ABCB7: variants seen among roughly 807,000 people sequenced by gnomAD.
The protein encoded by ABCB7 is iron-sulfur clusters transporter ABCB7, mitochondrial.
ABCB7 carries 7 observed loss-of-function variants against 54.4 expected under a neutral mutation model. The observed-to-expected ratio is 0.13, with a 90% CI of 0.07 to 0.24. The LOEUF is 0.24. ABCB7 is among the 10% of genes least tolerant of loss of function. ABCB7 has a pLI of 1.00. For synonymous variants in ABCB7, 218 were observed against 207.1 expected, an observed-to-expected ratio of 1.05 and a Z score of -0.45; for missense variants, 356 against 570.4, an observed-to-expected ratio of 0.62 and a Z score of 3.83.
intron 1 of ABCB7, among the ~76,000 whole-genome samples, chrX:75,129,267 C>CA (rs1277735292): frequency 9.0e-6 from 1 of 111,165 alleles, no homozygotes; most frequent in Non-Finnish European, 1.9e-5. Flanking sequence ...TATGCAGCCA[C>CA]AAAAAAGGAT....
At chrX:75,055,442 C>A (rs775639512) in intron 15 of ABCB7, among the ~76,000 whole-genome samples, 6 of 105,468 alleles carry the variant, frequency 5.7e-5, no homozygotes, top group South Asian at 4.5e-4. Flanking sequence ...CATGGTGGCT[C>A]ATGCCTGTAA....
chrX:75,065,357 C>G (rs972339511), intron 12 of ABCB7, 116 bp from the exon 13 acceptor site: 5 of 691,033 alleles, frequency 7.2e-6, no homozygotes, highest in African/African-American at 2.2e-5. Flanking sequence ...TAAAACATGA[C>G]AGTCCCTTTC....
At chrX:75,133,439 G>C (rs184680452) in intron 1 of ABCB7, among the ~76,000 whole-genome samples, 2 of 111,790 alleles carry the variant, frequency 1.8e-5, no homozygotes, top group Non-Finnish European at 3.8e-5. Flanking sequence ...CCAACCTCAC[G>C]AGAGGCTGAC....
At chrX:75,088,661 G>A (rs1158468564) in intron 4 of ABCB7, among the ~76,000 whole-genome samples, 2 of 110,579 alleles carry the variant, frequency 1.8e-5, no homozygotes, top group Non-Finnish European at 1.9e-5. Flanking sequence ...CAAGAAATAT[G>A]GGAGAATTAC....
Position 75,114,803 on chromosome X carries a change from C to A in ABCB7, c.197G>T (p.Trp66Leu). 1 of 1,200,607 alleles carries A rather than the reference C, an allele frequency of 8.3e-7. No homozygotes were observed. ...QIPESLKSIT[W>L]QRLGKGNSGQ... ...TGAATTGCCTTTTCCCAATCTCTGC[C>A]ATGTGATACTTTTTAATGACTCTGG... The change falls in exon 2 of 16, where the codon TGG becomes TTG. Residue 66 changes from tryptophan (W) to leucine (L), a missense_variant. This residue lies in a region of ABCB7 where 115 missense variants were observed against 99.5 expected (regional missense o/e 1.16). Coordinates refer to ENST00000373394, the MANE Select transcript of ABCB7 (RefSeq NM_001271696.3).
At chrX:75,138,353 T>TAC (rs1272834299) in intron 1 of ABCB7, among the ~76,000 whole-genome samples, 2 of 112,089 alleles carry the variant, frequency 1.8e-5, no homozygotes, top group Non-Finnish European at 3.8e-5. Flanking sequence ...TATACGTATG[T>TAC]ACACACACAC....
At chrX:75,067,839 A>G (rs1055554936) in intron 12 of ABCB7, among the ~76,000 whole-genome samples, 3 of 111,023 alleles carry the variant, frequency 2.7e-5, no homozygotes, top group African/African-American at 9.8e-5. Context: ...AGAATAACCT[A>G]GGAGGCATTT....
chrX:75,128,803 T>C (rs1602401052), intron 1 of ABCB7, among the ~76,000 whole-genome samples: 1 of 112,065 alleles, frequency 8.9e-6, no homozygotes, highest in South Asian at 3.7e-4. Context: ...AAAGACACTT[T>C]TCAAACGAAG....
rs143343871 is a variant in ABCB7, at chrX:75,102,165, G to A, written c.334-3104C>T. Among the ~76,000 whole-genome samples, 332 of 110,813 alleles carry A rather than the reference G, an allele frequency of 3.0e-3. 1 individual carries two copies. Among genetic ancestry groups the A allele is most frequent in the African/African-American group, 9.9e-3 (303 of 30,587 alleles). ...GTATTTGGGGTATCTATCTCCTTGA[G>A]TATTTATCATTTCTATGGGTTGGGA... On this transcript the variant is annotated intron_variant, in intron 3 of 15. Coordinates refer to ENST00000373394, the MANE Select transcript of ABCB7 (RefSeq NM_001271696.3).
chrX:75,065,080 G>C lies in ABCB7; in HGVS notation c.1821C>G (p.Leu607=). Residue 607 remains leucine (L), a synonymous_variant, in exon 13 of 16, where the codon CTC becomes CTG. Coordinates refer to ENST00000373394, the MANE Select transcript of ABCB7 (RefSeq NM_001271696.3). ...AAAATCTCTGATCACCTGAAAGCTTGAGTCCTCGTTCCCCTACTTGGGTGT... is the reference window on the plus strand; with the variant it reads ...AAAATCTCTGATCACCTGAAAGCTTCAGTCCTCGTTCCCCTACTTGGGTGT... ...GYDTQVGERG[L]KLSGGEKQRV... 8.3e-7 allele frequency: 1 copy of C among 1,210,699 alleles called. No individual in the cohort carries two copies. The highest frequency in any genetic ancestry group is 3.0e-5 in the East Asian group (1 of 33,785).
At chrX:75,134,160 A>G (rs1284472624) in intron 1 of ABCB7, among the ~76,000 whole-genome samples, 1 of 111,837 alleles carries the variant, frequency 8.9e-6, no homozygotes, top group South Asian at 3.7e-4. Flanking sequence ...CAAAAAACGA[A>G]AAGAGCAGGG....
chrX:75,062,603 C>A, intron 13 of ABCB7, 172 bp from the exon 14 acceptor site: 1 of 452,253 alleles, frequency 2.2e-6, no homozygotes, highest in African/African-American at 2.4e-5. Context: ...TATCTTTTGA[C>A]AAATTATATT....
At chrX:75,058,673 T>C (rs1032906863) in intron 15 of ABCB7, among the ~76,000 whole-genome samples, 2 of 111,532 alleles carry the variant, frequency 1.8e-5, no homozygotes, top group East Asian at 5.6e-4. Context: ...ATAAATTAGG[T>C]CCAATTATAA....
At chrX:75,088,706 C>A in intron 4 of ABCB7, among the ~76,000 whole-genome samples, 1 of 108,910 alleles carries the variant, frequency 9.2e-6, no homozygotes. Flanking sequence ...AATGGGAATA[C>A]CATAAGGAAA....
intron 4 of ABCB7, among the ~76,000 whole-genome samples, chrX:75,098,602 G>C (rs2081612606): frequency 9.0e-6 from 1 of 110,817 alleles, no homozygotes; most frequent in South Asian, 3.8e-4. Context: ...TGGGATCTGG[G>C]AACCAAGCTT....
intron 4 of ABCB7, among the ~76,000 whole-genome samples, chrX:75,088,757 T>C (rs746570943): frequency 4.5e-4 from 48 of 106,269 alleles, no homozygotes; most frequent in Middle Eastern, 5.0e-3. Flanking sequence ...TAATGAAGGC[T>C]AAGAATTTTC....
At chrX:75,106,274 T>G (rs2147514423) in intron 3 of ABCB7, among the ~76,000 whole-genome samples, 1 of 110,965 alleles carries the variant, frequency 9.0e-6, no homozygotes, top group African/African-American at 3.3e-5. Context: ...AAAAAACAAG[T>G]AACTCCATCA....
At chrX:75,130,987 CCA>C (rs1261304675) in intron 1 of ABCB7, among the ~76,000 whole-genome samples, 36 of 109,375 alleles carry the variant, frequency 3.3e-4, no homozygotes, top group African/African-American at 1.2e-3. Context: ...CTGAAAGAGT[CCA>C]CAGAGTGCCA....
intron 4 of ABCB7, among the ~76,000 whole-genome samples, chrX:75,098,613 A>G (rs1293447215): frequency 1.8e-5 from 2 of 111,247 alleles, no homozygotes; most frequent in Admixed American, 1.9e-4. Flanking sequence ...AACCAAGCTT[A>G]CCAAAAATAT....
Sources: allele counts gnomAD v4.1 joint callset (sites outside exome capture counted in the v4.1 genomes callset), GRCh38; gene constraint gnomAD v4.1.1; regional missense constraint gnomAD v4.1.1; transcripts MANE v1.5; gene names NCBI Gene and HGNC (gene_info 2026-07-23, HGNC 2026-07-21).